MAVS: variants seen among roughly 807,000 people sequenced by gnomAD.
The protein encoded by MAVS is mitochondrial antiviral signaling protein, also known as mitochondrial antiviral-signaling protein.
Under a neutral mutation model 30.2 loss-of-function variants are expected in MAVS, and 20 were observed. That is an observed-to-expected ratio of 0.66 (90% CI 0.47 to 0.96). The LOEUF is 0.96. Ranked by LOEUF, MAVS falls within the 40% of genes least tolerant of loss-of-function variation. MAVS has a pLI of 0.00. For missense variants in MAVS, 624 were observed against 701.1 expected, an observed-to-expected ratio of 0.89 and a Z score of 1.24; for synonymous variants, 278 against 293.9, an observed-to-expected ratio of 0.95 and a Z score of 0.55.
At position 3,856,216 on chromosome 20, in the gene MAVS, G is replaced by C. The variant is rs914570117; in HGVS notation, c.118-1419G>C. Among the ~76,000 whole-genome samples the C allele has an allele frequency of 2.0e-5, 3 of 151,892 alleles. No individual in the cohort carries two copies. The South Asian group carries it at 6.2e-4, about 32-fold the overall frequency. ...ACTACAGGCGCCTGCCACCATGCCC[G>C]GCTAATTTTTTGTATTTTTAATAGA... On this transcript the variant is annotated intron_variant, in intron 2 of 6. Transcript: ENST00000428216.
In MAVS at chr20:3,870,321, T is replaced by C. The variant is rs14161; in HGVS notation, c.*4174T>C. The C allele has an allele frequency of 0.23, 34,730 of 152,238 alleles. 5,225 individuals are homozygous for C. The highest frequency in any genetic ancestry group is 0.43 in the African/African-American group (17,945 of 41,386). 9.4% of individuals were successfully genotyped at this position (152,238 alleles called of 1,614,324 possible). A position where few individuals can be genotyped will look rare whatever the true frequency, so the allele number is the denominator to read the frequency against. On this transcript the variant is annotated 3_prime_UTR_variant, in exon 7 of 7. Transcript: ENST00000428216. Reference sequence around the variant, plus strand: ...ACCTGCAGCAATGGTATCTGCATATTAGCCCCTCTCCACCTTCTTTCTCCC... The same window carrying C: ...ACCTGCAGCAATGGTATCTGCATATCAGCCCCTCTCCACCTTCTTTCTCCC...
chr20:3,871,461 T>G lies in MAVS; in HGVS notation c.*5314T>G, dbSNP rs2089955126. On this transcript the variant is annotated 3_prime_UTR_variant, in exon 7 of 7. Transcript: ENST00000428216. ...TTTGGAGGTGCCTGGCTGCTACTAC[T>G]GTCCCAGAGAGGTGATGATGAATGA... is the stretch of plus-strand genomic sequence containing the variant. 2 of 153,292 alleles carry G rather than the reference T, an allele frequency of 1.3e-5. No individual in the cohort carries two copies. The highest frequency in any genetic ancestry group is 2.4e-5 in the African/African-American group (1 of 41,464). The allele number at this position is 153,292 out of a possible 1,614,324, so 9.5% of individuals were successfully genotyped here. A position where few individuals can be genotyped will look rare whatever the true frequency, so the allele number is the denominator to read the frequency against.
In MAVS at chr20:3,868,772, G is replaced by A. The variant is rs1483276465; in HGVS notation, c.*2625G>A. On this transcript the variant is annotated 3_prime_UTR_variant, in exon 7 of 7. Coordinates refer to ENST00000428216, the MANE Select transcript of MAVS (RefSeq NM_020746.5). ...CCCATCTATAGTCCCAGCTACATGG[G>A]AGGCTGAGGTGGGAAGATAAGTCAC... 3 of 152,188 alleles carry A rather than the reference G, an allele frequency of 2.0e-5. No individual in the cohort carries two copies. Among genetic ancestry groups the A allele is most frequent in the Non-Finnish European group, 4.4e-5 (3 of 68,054 alleles). The allele number at this position is 152,188 out of a possible 1,614,324, so 9.4% of individuals were successfully genotyped here.
chr20:3,847,713 C>T (rs1000480251), intron 1 of MAVS, among the ~76,000 whole-genome samples: 3 of 152,180 alleles, frequency 2.0e-5, no homozygotes, highest in African/African-American at 7.2e-5. Flanking sequence ...CTCCCTCCCG[C>T]CAAGTGACCT....
Position 3,864,799 on chromosome 20 carries a change from G to A in MAVS, c.1158+11G>A, listed in dbSNP as rs200124312. 8.6e-5 allele frequency: 139 copies of A among 1,608,574 alleles called. 1 individual carries two copies. Among genetic ancestry groups the A allele is most frequent in the South Asian group, 8.6e-4 (78 of 90,920 alleles). On this transcript the variant is annotated intron_variant, in intron 6 of 6. Coordinates refer to ENST00000428216, the MANE Select transcript of MAVS (RefSeq NM_020746.5). ...AGCAGCAGAAATGAGGTGAGTCCTC[G>A]CCCTTCCTGGCAGGGATCCTGGCCC...
chr20:3,853,736 G>A (rs1200915738), intron 1 of MAVS, among the ~76,000 whole-genome samples: 1 of 152,008 alleles, frequency 6.6e-6, no homozygotes, highest in African/African-American at 2.4e-5. Context: ...CGAGGCTGCA[G>A]TGAACTATTA....
In MAVS at chr20:3,866,106, G is replaced by C. The variant is rs201222623; in HGVS notation, c.1582G>C (p.Val528Leu). 7.5e-6 allele frequency: 12 copies of C among 1,607,832 alleles called. 1 individual carries two copies. In the East Asian group the frequency reaches 2.7e-4, roughly 36 times the overall value. The change falls in exon 7 of 7, where the codon GTC becomes CTC. Residue 528 changes from valine (V) to leucine (L), a missense_variant. Coordinates refer to ENST00000428216, the MANE Select transcript of MAVS (RefSeq NM_020746.5). ...GGTGGCTGTGACAGGGGTGCTGGTA[G>C]TCACACTCCTGGTGGTGCTGTACCG... ...LQVAVTGVLV[V>L]TLLVVLYRRR...
At chr20:3,856,960 C>G (rs1303443065) in intron 2 of MAVS, among the ~76,000 whole-genome samples, 1 of 149,902 alleles carries the variant, frequency 6.7e-6, no homozygotes, top group Non-Finnish European at 1.5e-5. Flanking sequence ...CGCTTGAACT[C>G]AGGAGGCAGA....
intron 3 of MAVS, chr20:3,858,018 C>T: frequency 1.6e-6 from 1 of 614,112 alleles, no homozygotes; most frequent in African/African-American, 1.8e-5. Flanking sequence ...GAGCCTCAGG[C>T]CTCTCTTCTG....
rs755835740 is a variant in MAVS, at chr20:3,866,184, G to A, written c.*37G>A. ...GCTCTTCCCACCACCCATCTGTTCC[G>A]TTCCTGCAGTACACCTGGCCCCTCT... On this transcript the variant is annotated 3_prime_UTR_variant, in exon 7 of 7. Transcript: ENST00000428216. The A allele has an allele frequency of 2.7e-5, 41 of 1,519,620 alleles. No individual in the cohort carries two copies. The highest frequency in any genetic ancestry group is 4.5e-5 in the East Asian group (2 of 43,974). The allele number at this position is 1,519,620 out of a possible 1,614,324, so 94.1% of individuals were successfully genotyped here.
At chr20:3,862,029 G>T (rs183116553) in intron 4 of MAVS, among the ~76,000 whole-genome samples, 1 of 152,188 alleles carries the variant, frequency 6.6e-6, no homozygotes, top group Non-Finnish European at 1.5e-5. Flanking sequence ...GATTACAGGC[G>T]TGAGCCACCG....
chr20:3,872,449 G>A lies in MAVS; in HGVS notation c.*6302G>A, dbSNP rs939191543. Reference sequence around the variant, plus strand: ...GGAGACCCTGTCTTTAAAGTACATAGAGGTTTTTCACACCAACACATCTCT... The same window carrying A: ...GGAGACCCTGTCTTTAAAGTACATAAAGGTTTTTCACACCAACACATCTCT... On this transcript the variant is annotated 3_prime_UTR_variant, in exon 7 of 7. Transcript: ENST00000428216. 6 of 152,372 alleles carry A rather than the reference G, an allele frequency of 3.9e-5. No homozygotes were observed. Among genetic ancestry groups the A allele is most frequent in the Admixed American group, 3.9e-4 (6 of 15,298 alleles). The allele number at this position is 152,372 out of a possible 1,614,324, so 9.4% of individuals were successfully genotyped here.
intron 1 of MAVS, among the ~76,000 whole-genome samples, chr20:3,847,335 C>G (rs1485208717): frequency 1.3e-5 from 2 of 152,152 alleles, no homozygotes; most frequent in Non-Finnish European, 2.9e-5. Flanking sequence ...GACACCAGCT[C>G]AAAACGGCCT....
rs564890032 is a variant in MAVS, at chr20:3,875,221, C to G, written c.*9074C>G. On this transcript the variant is annotated 3_prime_UTR_variant, in exon 7 of 7. Coordinates refer to ENST00000428216, the MANE Select transcript of MAVS (RefSeq NM_020746.5). ...TAGAAGCCAGGAGTTCGAGACCAGC[C>G]TGGGTAACATAGCTAGACCACATCT... is the stretch of plus-strand genomic sequence containing the variant. 55 of 152,252 alleles carry G rather than the reference C, an allele frequency of 3.6e-4. No homozygotes were observed. The highest frequency in any genetic ancestry group is 1.3e-3 in the African/African-American group (54 of 41,560). 9.4% of individuals were successfully genotyped at this position (152,252 alleles called of 1,614,324 possible).
chr20:3,862,146 C>A, intron 4 of MAVS, 108 bp from the exon 5 acceptor site: 1 of 1,302,556 alleles, frequency 7.7e-7, no homozygotes, highest in Non-Finnish European at 1.0e-6. Flanking sequence ...GGCTCCTGTG[C>A]TCCATGGTGT....
At chr20:3,857,914 C>T in intron 3 of MAVS, 105 bp downstream of exon 3, 1 of 1,286,744 alleles carries the variant, frequency 7.8e-7, no homozygotes, top group Non-Finnish European at 1.1e-6. Context: ...CATCCTCTTT[C>T]TTGTCACTGT....
chr20:3,863,308 T>C (rs1190562512), intron 5 of MAVS, among the ~76,000 whole-genome samples: 1 of 152,118 alleles, frequency 6.6e-6, no homozygotes. Flanking sequence ...CTTTCCTACT[T>C]CCCAAACTAT....
In MAVS at chr20:3,861,361, G is replaced by A; in HGVS notation, c.322G>A (p.Glu108Lys). 1.2e-6 allele frequency: 2 copies of A among 1,613,824 alleles called. No individual in the cohort carries two copies. The highest frequency in any genetic ancestry group is 4.5e-5 in the East Asian group (2 of 44,864). Residue 108 changes from glutamate to lysine, a missense_variant, in exon 4 of 7, where the codon GAG becomes AAG. Transcript: ENST00000428216. The part of the protein sequence containing the change: ...RTSDRPPDPL[E>K]PPSLPAERPG... ...CTCGGACCGTCCCCCAGACCCACTG[G>A]AGCCACCGTCACTTCCTGCTGAGAG...
rs2089972315 is a variant in MAVS at position 3,873,831 on chromosome 20, G to A, written c.*7684G>A. On this transcript the variant is annotated 3_prime_UTR_variant, in exon 7 of 7. Coordinates refer to ENST00000428216, the MANE Select transcript of MAVS (RefSeq NM_020746.5). ...CATTGTAACCTGAATGGACCAAGCT[G>A]GTGTGACCCTGTTGGAAAACTGGCA... 3.0e-6 allele frequency: 1 copy of A among 329,728 alleles called. No homozygotes were observed. The highest frequency in any genetic ancestry group is 1.6e-4 in the South Asian group (1 of 6,372). The allele number at this position is 329,728 out of a possible 1,614,324, so 20.4% of individuals were successfully genotyped here.
Sources: allele counts gnomAD v4.1 joint callset (sites outside exome capture counted in the v4.1 genomes callset), GRCh38; gene constraint gnomAD v4.1.1; transcripts MANE v1.5; gene names NCBI Gene and HGNC (gene_info 2026-07-23, HGNC 2026-07-21).